Variants in AFF3 observed in about 807,000 individuals in gnomAD.
The protein encoded by AFF3 is ALF transcription elongation factor 3.
In AFF3, 32 loss-of-function variants were observed where a neutral mutation model predicts 129.7. That is an observed-to-expected ratio of 0.25 (90% CI 0.19 to 0.33). The LOEUF (loss-of-function observed/expected upper bound fraction) is 0.33, where lower values mean the gene tolerates loss of function less well. Among genes scored for constraint, AFF3 ranks in the 10% least tolerant of loss-of-function variants. The probability of loss-of-function intolerance (pLI) is 1.00; values close to 1 mark genes in which losing one functional copy is unlikely to be tolerated. For missense variants in AFF3, 1,373 were observed against 1,592.0 expected (o/e 0.86, Z 2.34); for synonymous variants, 644 against 635.4 (o/e 1.01, Z -0.20).
intron 13 of AFF3, among the ~76,000 whole-genome samples, chr2:99,646,962 T>C (rs1684749050): frequency 6.6e-6 from 1 of 152,070 alleles, no homozygotes; most frequent in African/African-American, 2.4e-5. Context: ...GAATAGACAA[T>C]AGAAAAAGAA....
intron 18 of AFF3, among the ~76,000 whole-genome samples, chr2:99,569,964 G>A (rs1369866778): frequency 2.0e-5 from 3 of 152,140 alleles, no homozygotes; most frequent in Non-Finnish European, 4.4e-5. Context: ...TATCCAAAGA[G>A]GTCAAAACGC....
chr2:99,861,636 G>A (rs1039150497), intron 7 of AFF3, among the ~76,000 whole-genome samples: 1 of 152,028 alleles, frequency 6.6e-6, no homozygotes, highest in Non-Finnish European at 1.5e-5. Flanking sequence ...TCCTCTTTTT[G>A]TTTTCTTATC....
At position 99,601,393 on chromosome 2, in the gene AFF3, C is replaced by G. The variant is rs775031795; in HGVS notation, c.1371+42G>C. On this transcript the variant is annotated intron_variant, in intron 14 of 24. Transcript: ENST00000672756. ...CCCGGACTTGCTATCCTCATAGAGA[C>G]AGAAGTGGGCAGAGGAGAGGCCTGA... The G allele has an allele frequency of 3.9e-6, 6 of 1,526,236 alleles. No homozygotes were observed. In the East Asian group the frequency reaches 1.4e-4, roughly 36 times the overall value. 94.5% of individuals were successfully genotyped at this position (1,526,236 alleles called of 1,614,324 possible).
chr2:99,867,589 A>C (rs190220841), intron 7 of AFF3, among the ~76,000 whole-genome samples: 8 of 151,476 alleles, frequency 5.3e-5, no homozygotes, highest in Non-Finnish European at 7.4e-5. Flanking sequence ...AAAAAAAAAA[A>C]AAAACATAGC....
chr2:100,104,684 G>A (rs1691088915), intron 3 of AFF3, 166 bp from the exon 4 acceptor site: 6 of 970,202 alleles, frequency 6.2e-6, no homozygotes, highest in South Asian at 9.4e-5. Context: ...CCCGGCTTGC[G>A]CGCAGGCACA....
chr2:100,138,625 G>A (rs1207483513), intron 1 of AFF3, among the ~76,000 whole-genome samples: 3 of 152,116 alleles, frequency 2.0e-5, no homozygotes, highest in Admixed American at 1.3e-4. Context: ...ATCATCCAGG[G>A]CTTGGGAGAA....
intron 8 of AFF3, among the ~76,000 whole-genome samples, chr2:99,755,609 C>A (rs1419290451): frequency 6.6e-6 from 1 of 152,072 alleles, no homozygotes; most frequent in Non-Finnish European, 1.5e-5. Flanking sequence ...TTATGGGCAC[C>A]CCCAAGCATT....
Position 99,946,473 on chromosome 2 carries a change from TAAAAAAAAAAAAAAAAAA to T in AFF3, c.873+60141_873+60158del, listed in dbSNP as rs55672296. On this transcript the variant is annotated intron_variant, in intron 7 of 24. Transcript: ENST00000672756. ...TGGTTGACAGAGTGAGACGCCATCT[TAAAAAAAAAAAAAAAAAA>T]AAAAAAAAAAAAAAAAGATGGGGAT... 1.8e-3 allele frequency among the ~76,000 whole-genome samples: 89 copies of T among 50,500 alleles called. 2 individuals are homozygous for T. Among genetic ancestry groups the T allele is most frequent in the Admixed American group, 4.6e-3 (18 of 3,888 alleles). 33.1% of individuals were successfully genotyped at this position (50,500 alleles called of 152,430 possible).
chr2:99,987,023 C>T lies in AFF3; in HGVS notation c.873+19609G>A, dbSNP rs190491821. Among the ~76,000 whole-genome samples the T allele has an allele frequency of 1.5e-4, 23 of 152,260 alleles. 1 individual carries two copies. The highest frequency in any genetic ancestry group is 1.5e-3 in the Admixed American group (23 of 15,292). On this transcript the variant is annotated intron_variant, in intron 7 of 24. Coordinates refer to ENST00000672756, the MANE Select transcript of AFF3 (RefSeq NM_001386135.1). ...GAACGAAAAGGCCGATCGTTACAAA[C>T]GTAATCACACACACTTTGCTCTAAG...
At chr2:99,603,881 A>G (rs758424167) in intron 13 of AFF3, among the ~76,000 whole-genome samples, 1 of 152,222 alleles carries the variant, frequency 6.6e-6, no homozygotes, top group Non-Finnish European at 1.5e-5. Context: ...AAAAAGCTCA[A>G]TATCACTGCT....
intron 8 of AFF3, among the ~76,000 whole-genome samples, chr2:99,804,156 C>T (rs1686166321): frequency 6.6e-6 from 1 of 152,186 alleles, no homozygotes; most frequent in Admixed American, 6.5e-5. Flanking sequence ...AGACAACCCA[C>T]AGAATGAGAG....
At chr2:100,016,306 A>T (rs890109029) in intron 4 of AFF3, among the ~76,000 whole-genome samples, 1 of 135,478 alleles carries the variant, frequency 7.4e-6, no homozygotes, top group Non-Finnish European at 1.6e-5. Flanking sequence ...GGTGGCAGCG[A>T]TGGTGACAGT....
intron 8 of AFF3, among the ~76,000 whole-genome samples, chr2:99,788,232 T>C (rs1684948069): frequency 6.6e-6 from 1 of 152,166 alleles, no homozygotes; most frequent in Admixed American, 6.5e-5. Context: ...GTGCACTCCT[T>C]CTACTCATTA....
At chr2:99,882,921 T>C (rs1266283587) in intron 7 of AFF3, among the ~76,000 whole-genome samples, 1 of 152,188 alleles carries the variant, frequency 6.6e-6, no homozygotes, top group African/African-American at 2.4e-5. Context: ...CCTGTGTTGA[T>C]AGGGCCCGGT....
chr2:99,896,492 CT>C (rs1693952450), intron 7 of AFF3, among the ~76,000 whole-genome samples: 2 of 151,974 alleles, frequency 1.3e-5, no homozygotes, highest in Admixed American at 1.3e-4. Context: ...TGCCTGATGC[CT>C]TTTGCATGAA....
intron 7 of AFF3, among the ~76,000 whole-genome samples, chr2:99,897,383 T>G (rs1229772504): frequency 2.0e-5 from 3 of 152,146 alleles, no homozygotes; most frequent in Non-Finnish European, 4.4e-5. Flanking sequence ...TCCAGCCTAT[T>G]TTCATAGAAT....
intron 7 of AFF3, among the ~76,000 whole-genome samples, chr2:99,997,485 C>T (rs75514850): frequency 1.4e-5 from 2 of 148,100 alleles, no homozygotes; most frequent in African/African-American, 5.0e-5. Context: ...ACCCCCCCCC[C>T]AGATTAGCAC....
chr2:99,640,749 T>C (rs1575576695), intron 13 of AFF3, among the ~76,000 whole-genome samples: 1 of 152,176 alleles, frequency 6.6e-6, no homozygotes, highest in African/African-American at 2.4e-5. Flanking sequence ...CTACTAATAG[T>C]CAAGATGTGG....
chr2:99,643,823 C>T lies in AFF3; in HGVS notation c.1184+5803G>A, dbSNP rs183791838. Among the ~76,000 whole-genome samples the T allele has an allele frequency of 1.1e-4, 16 of 152,348 alleles. 1 individual carries two copies. The East Asian group carries it at 2.9e-3, about 28-fold the overall frequency. ...CTTCTACCTACATGGAGGTGAAACTCCCTTAGTTTTAGGCAATTCCTCATT... is the reference window on the plus strand; with the variant it reads ...CTTCTACCTACATGGAGGTGAAACTTCCTTAGTTTTAGGCAATTCCTCATT... On this transcript the variant is annotated intron_variant, in intron 13 of 24. Transcript: ENST00000672756.
Sources: allele counts gnomAD v4.1 joint callset (sites outside exome capture counted in the v4.1 genomes callset), GRCh38; gene constraint gnomAD v4.1.1; transcripts MANE v1.5; gene names NCBI Gene and HGNC (gene_info 2026-07-23, HGNC 2026-07-21).